PDE11A: variants seen among roughly 807,000 people sequenced by gnomAD.
PDE11A encodes the protein phosphodiesterase 11A.
Under a neutral mutation model 100.5 loss-of-function variants are expected in PDE11A, and 100 were observed. That is an observed-to-expected ratio of 1.00 (90% CI 0.85 to 1.18). The LOEUF (loss-of-function observed/expected upper bound fraction) is 1.18, where lower values mean the gene tolerates loss of function less well. Among genes scored for constraint, PDE11A ranks in the 50% most tolerant of loss-of-function variants. The pLI is 0.00. For synonymous variants in PDE11A, 381 were observed against 420.8 expected, an observed-to-expected ratio of 0.91 and a Z score of 1.16; for missense variants, 1,141 against 1,152.6, an observed-to-expected ratio of 0.99 and a Z score of 0.15.
intron 10 of PDE11A, among the ~76,000 whole-genome samples, chr2:177,763,417 C>T (rs2082196230): frequency 6.6e-6 from 1 of 152,116 alleles, no homozygotes; most frequent in African/African-American, 2.4e-5. Context: ...ACTGGAAAGC[C>T]ACTGTTGGGA....
intron 4 of PDE11A, among the ~76,000 whole-genome samples, chr2:177,891,614 T>C (rs74712539): frequency 0.012 from 1,764 of 152,300 alleles, 38 homozygotes; most frequent in African/African-American, 0.039. Context: ...ATTACAGAAA[T>C]AAGGCAAAAA....
chr2:177,798,086 G>A (rs976925629), intron 9 of PDE11A, among the ~76,000 whole-genome samples: 2 of 152,160 alleles, frequency 1.3e-5, no homozygotes, highest in Non-Finnish European at 2.9e-5. Context: ...TGCTTGAATA[G>A]CATGCTACTT....
intron 5 of PDE11A, among the ~76,000 whole-genome samples, chr2:177,858,432 G>A: frequency 6.6e-6 from 1 of 151,414 alleles, no homozygotes; most frequent in Non-Finnish European, 1.5e-5. Flanking sequence ...AAAAGTGGGT[G>A]AAGGATATGA....
intron 6 of PDE11A, among the ~76,000 whole-genome samples, chr2:177,837,353 A>G (rs919917664): frequency 6.6e-6 from 1 of 152,162 alleles, no homozygotes; most frequent in Non-Finnish European, 1.5e-5. Flanking sequence ...GCAGGCTTGC[A>G]TCTTGTTTAC....
At chr2:177,992,398 G>A (rs1009236095) in intron 2 of PDE11A, among the ~76,000 whole-genome samples, 2 of 151,660 alleles carry the variant, frequency 1.3e-5, no homozygotes, top group Non-Finnish European at 1.5e-5. Flanking sequence ...CAAAACGCCT[G>A]CATCAAAAAC....
chr2:177,625,860 G>A lies in PDE11A; in HGVS notation c.*3547C>T, dbSNP rs1302629453. 1 of 152,616 alleles carries A rather than the reference G, an allele frequency of 6.6e-6. No individual in the cohort carries two copies. The highest frequency in any genetic ancestry group is 1.5e-5 in the Non-Finnish European group (1 of 68,020). 9.5% of individuals were successfully genotyped at this position (152,616 alleles called of 1,614,324 possible). ...TCAACCTCTAACCTCTGGGGTTGTT[G>A]GCACCAGGAAGCTGCTACCTTCCTG... On this transcript the variant is annotated 3_prime_UTR_variant, in exon 20 of 20. Coordinates refer to ENST00000286063, the MANE Select transcript of PDE11A (RefSeq NM_016953.4).
In PDE11A at chr2:177,708,580, T is replaced by TGGTTACC. The variant is rs576551960; in HGVS notation, c.2153+3182_2153+3188dup. On this transcript the variant is annotated intron_variant, in intron 13 of 19. Transcript: ENST00000286063. Reference sequence around the variant, plus strand: ...ATATTTAACAAACCCCCGTTACACATGGTTACCTATGTAACAAACCTTCAC... The same window carrying TGGTTACC: ...ATATTTAACAAACCCCCGTTACACATGGTTACCGGTTACCTATGTAACAAACCTTCAC... Among the ~76,000 whole-genome samples, 403 of 152,314 alleles carry TGGTTACC rather than the reference T, an allele frequency of 2.6e-3. 1 individual carries two copies. The highest frequency in any genetic ancestry group is 0.01 in the Middle Eastern group (3 of 294).
At chr2:177,779,487 A>C (rs1481368864) in intron 9 of PDE11A, among the ~76,000 whole-genome samples, 1 of 152,236 alleles carries the variant, frequency 6.6e-6, no homozygotes, top group Non-Finnish European at 1.5e-5. Context: ...AATTCCTGCC[A>C]CTGTTTTGTC....
chr2:177,887,288 T>C (rs1399026952), intron 4 of PDE11A, among the ~76,000 whole-genome samples: 4 of 151,976 alleles, frequency 2.6e-5, no homozygotes, highest in African/African-American at 7.3e-5. Context: ...ACCTACATAA[T>C]TGGACAAAAA....
At chr2:177,985,375 G>C (rs2085928546) in intron 2 of PDE11A, among the ~76,000 whole-genome samples, 1 of 152,134 alleles carries the variant, frequency 6.6e-6, no homozygotes, top group South Asian at 2.1e-4. Context: ...TTGAAGGATT[G>C]ACACAATTTA....
intron 9 of PDE11A, among the ~76,000 whole-genome samples, chr2:177,779,642 A>T (rs1172163104): frequency 6.6e-6 from 1 of 152,208 alleles, no homozygotes; most frequent in East Asian, 1.9e-4. Context: ...AAGTTTTACC[A>T]TGAGACTGCA....
chr2:177,712,013 C>A (rs2081365985), intron 12 of PDE11A, 135 bp from the exon 13 acceptor site: 1 of 642,584 alleles, frequency 1.6e-6, no homozygotes, highest in Admixed American at 2.3e-5. Context: ...CTCCCTCAGA[C>A]AACAGTAAGT....
At chr2:177,845,985 G>C (rs552290932) in intron 5 of PDE11A, among the ~76,000 whole-genome samples, 2 of 151,946 alleles carry the variant, frequency 1.3e-5, no homozygotes, top group South Asian at 2.1e-4. Flanking sequence ...GTCCAGCTTC[G>C]GCTCGGCATG....
At chr2:177,862,892 CA>C (rs973688271) in intron 5 of PDE11A, among the ~76,000 whole-genome samples, 2 of 151,692 alleles carry the variant, frequency 1.3e-5, no homozygotes, top group African/African-American at 2.4e-5. Flanking sequence ...CTGAGAAAGA[CA>C]AACAAAATTG....
chr2:177,707,786 T>C, intron 13 of PDE11A, among the ~76,000 whole-genome samples: 1 of 152,182 alleles, frequency 6.6e-6, no homozygotes, highest in East Asian at 1.9e-4. Context: ...AGGGATCAAC[T>C]AGCAAGAAGA....
chr2:177,950,323 C>T (rs1215831470), intron 2 of PDE11A, among the ~76,000 whole-genome samples: 2 of 151,986 alleles, frequency 1.3e-5, no homozygotes, highest in Non-Finnish European at 2.9e-5. Context: ...TGTTTTAGCT[C>T]TCCTTCTTCT....
At chr2:177,702,050 TATTA>T (rs1317064414) in intron 13 of PDE11A, among the ~76,000 whole-genome samples, 10 of 152,236 alleles carry the variant, frequency 6.6e-5, no homozygotes, top group Admixed American at 4.6e-4. Flanking sequence ...CTGTATTAAT[TATTA>T]ATCAATAATT....
intron 2 of PDE11A, among the ~76,000 whole-genome samples, chr2:177,944,175 C>T (rs1463678859): frequency 6.6e-6 from 1 of 152,154 alleles, no homozygotes; most frequent in South Asian, 2.1e-4. Flanking sequence ...TGAAAGCAGG[C>T]TTCTAGTCTA....
intron 5 of PDE11A, among the ~76,000 whole-genome samples, chr2:177,867,721 G>T (rs866537188): frequency 6.6e-6 from 1 of 151,946 alleles, no homozygotes; most frequent in Non-Finnish European, 1.5e-5. Flanking sequence ...GCGAGACTCC[G>T]TCTCAAAAAA....
Sources: allele counts gnomAD v4.1 joint callset (sites outside exome capture counted in the v4.1 genomes callset), GRCh38; gene constraint gnomAD v4.1.1; transcripts MANE v1.5; gene names NCBI Gene and HGNC (gene_info 2026-07-23, HGNC 2026-07-21).